The following ALK variants were observed in gnomAD, a reference collection of about 807,000 sequenced individuals.
ALK encodes ALK tyrosine kinase receptor.
Under a neutral mutation model 163.1 loss-of-function variants are expected in ALK, and 74 were observed. The ratio of observed to expected loss-of-function variants is 0.45; its 90% CI spans 0.38 to 0.55. ALK has a LOEUF of 0.55. Ranked by LOEUF, ALK falls within the 20% of genes least tolerant of loss-of-function variation. The pLI is 0.00. For synonymous variants in ALK, 960 were observed against 843.2 expected (o/e 1.14, Z -2.40); for missense variants, 2,063 against 2,105.3 (o/e 0.98, Z 0.39).
intron 3 of ALK, among the ~76,000 whole-genome samples, chr2:29,599,072 G>C (rs1190111617): frequency 6.6e-6 from 1 of 151,986 alleles, no homozygotes; most frequent in African/African-American, 2.4e-5. Flanking sequence ...AAATGATATA[G>C]CTGTGTCATC....
chr2:29,554,150 C>T (rs1251260252), intron 3 of ALK, among the ~76,000 whole-genome samples: 2 of 151,980 alleles, frequency 1.3e-5, no homozygotes, highest in Non-Finnish European at 2.9e-5. Context: ...TAATATGTGA[C>T]AAAAATAGTC....
intron 3 of ALK, among the ~76,000 whole-genome samples, chr2:29,618,116 G>T (rs1304166495): frequency 6.6e-6 from 1 of 152,172 alleles, no homozygotes; most frequent in Non-Finnish European, 1.5e-5. Context: ...GCTGCTCTTA[G>T]GTGCTGACCA....
At position 29,559,548 on chromosome 2, in the gene ALK, A is replaced by G. The variant is rs541384554; in HGVS notation, c.953-27432T>C. On this transcript the variant is annotated intron_variant, in intron 3 of 28. Coordinates refer to ENST00000389048, the MANE Select transcript of ALK (RefSeq NM_004304.5). ...ACTCTTAATGAGGTTCTATATCTTC[A>G]TTTTGGGGGGTATATTTCTGTTAAT... is the stretch of plus-strand genomic sequence containing the variant. Among the ~76,000 whole-genome samples the G allele has an allele frequency of 1.4e-3, 214 of 152,224 alleles. 1 individual carries two copies. The highest frequency in any genetic ancestry group is 5.1e-3 in the African/African-American group (211 of 41,538).
chr2:29,710,341 A>G (rs1679039208), intron 2 of ALK, among the ~76,000 whole-genome samples: 1 of 152,090 alleles, frequency 6.6e-6, no homozygotes, highest in South Asian at 2.1e-4. Flanking sequence ...ACAGACTAAC[A>G]CAGGTGACTA....
rs185492134 is a variant in ALK at position 29,215,469 on chromosome 2, C to A, written c.3646-1388G>T. 1.1e-3 allele frequency among the ~76,000 whole-genome samples: 170 copies of A among 152,248 alleles called. 1 individual carries two copies. The highest frequency in any genetic ancestry group is 1.8e-3 in the Non-Finnish European group (123 of 68,002). Reference sequence around the variant, plus strand: ...TGCCTTACATGCCCCAGAGCACATACATGATCTGCTGTGTGGTAGGTAGGG... The same window carrying A: ...TGCCTTACATGCCCCAGAGCACATAAATGATCTGCTGTGTGGTAGGTAGGG... On this transcript the variant is annotated intron_variant, in intron 23 of 28. Transcript: ENST00000389048.
At chr2:29,234,093 T>C (rs1217685758) in intron 13 of ALK, among the ~76,000 whole-genome samples, 1 of 150,920 alleles carries the variant, frequency 6.6e-6, no homozygotes, top group African/African-American at 2.4e-5. Flanking sequence ...AGTGGGTGAG[T>C]GGGGTGCGTG....
chr2:29,804,633 G>A (rs1356638375), intron 1 of ALK, among the ~76,000 whole-genome samples: 4 of 152,162 alleles, frequency 2.6e-5, no homozygotes, highest in Non-Finnish European at 5.9e-5. Context: ...TGTCTGCGTT[G>A]GGTTTAAGGT....
intron 1 of ALK, among the ~76,000 whole-genome samples, chr2:29,852,140 G>A (rs980214792): frequency 1.2e-4 from 18 of 152,188 alleles, no homozygotes; most frequent in Non-Finnish European, 2.2e-4. Flanking sequence ...CCTATGTAGC[G>A]TTTATCCAAT....
chr2:29,210,291 C>T (rs944251683), intron 24 of ALK, among the ~76,000 whole-genome samples: 1 of 152,132 alleles, frequency 6.6e-6, no homozygotes, highest in Non-Finnish European at 1.5e-5. Flanking sequence ...AACATAGGGC[C>T]ATAAGGAATG....
At chr2:29,432,010 G>A (rs553592362) in intron 4 of ALK, among the ~76,000 whole-genome samples, 39 of 152,124 alleles carry the variant, frequency 2.6e-4, no homozygotes, top group Admixed American at 9.8e-4. Flanking sequence ...TAGGGCTTGA[G>A]GGAGTGTATC....
chr2:29,280,558 T>TA (rs1414816413), intron 9 of ALK, among the ~76,000 whole-genome samples: 2 of 144,088 alleles, frequency 1.4e-5, no homozygotes, highest in Admixed American at 1.4e-4. Flanking sequence ...GAGGTTGTGG[T>TA]ATATACAGAT....
At chr2:29,772,712 G>C (rs906310730) in intron 1 of ALK, among the ~76,000 whole-genome samples, 2 of 152,192 alleles carry the variant, frequency 1.3e-5, no homozygotes, top group Admixed American at 6.5e-5. Flanking sequence ...GAGGACTACT[G>C]TTTTTCACGA....
chr2:29,771,995 A>C (rs1437388866), intron 1 of ALK, among the ~76,000 whole-genome samples: 2 of 152,234 alleles, frequency 1.3e-5, no homozygotes, highest in Admixed American at 1.3e-4. Flanking sequence ...CCATTTGGAC[A>C]CTAAAAGACA....
At chr2:29,315,682 T>A (rs1666813635) in intron 8 of ALK, among the ~76,000 whole-genome samples, 1 of 152,202 alleles carries the variant, frequency 6.6e-6, no homozygotes, top group African/African-American at 2.4e-5. Flanking sequence ...TCCAGGTGAA[T>A]GTGACTGGTG....
intron 3 of ALK, among the ~76,000 whole-genome samples, chr2:29,624,369 T>C (rs552491995): frequency 2.0e-5 from 3 of 152,334 alleles, no homozygotes; most frequent in African/African-American, 7.2e-5. Flanking sequence ...AGAGTATTTC[T>C]GTTACAAAGG....
chr2:29,883,213 T>C (rs969109379), intron 1 of ALK, among the ~76,000 whole-genome samples: 2 of 152,272 alleles, frequency 1.3e-5, no homozygotes, highest in Admixed American at 6.5e-5. Flanking sequence ...AATCCCTTAC[T>C]TCCCTGTTAG....
chr2:29,846,833 T>C (rs540887041), intron 1 of ALK, among the ~76,000 whole-genome samples: 2 of 152,316 alleles, frequency 1.3e-5, no homozygotes, highest in South Asian at 4.1e-4. Flanking sequence ...TCACCAGAGA[T>C]TCTATGAGAT....
chr2:29,510,301 A>T (rs114064388), intron 4 of ALK, among the ~76,000 whole-genome samples: 2 of 152,190 alleles, frequency 1.3e-5, no homozygotes, highest in Admixed American at 1.3e-4. Flanking sequence ...CCCTGATGGC[A>T]GGTGTTTGCT....
rs6755127 is a variant in ALK, at chr2:29,383,436, A to C, written c.1282+296T>G. ...GGTTCAAGCAATTCTCCTGCCTCAG[A>C]CTCCCAAGTAGTTGGGATTACAGAC... On this transcript the variant is annotated intron_variant, in intron 5 of 28. Transcript: ENST00000389048. Among the ~76,000 whole-genome samples, 15,498 of 151,732 alleles carry C rather than the reference A, an allele frequency of 0.1. 844 individuals carry two copies. The highest frequency in any genetic ancestry group is 0.13 in the African/African-American group (5,213 of 41,322).
Sources: gnomAD v4.1 joint callset for allele counts (sites outside exome capture counted in the v4.1 genomes callset) on GRCh38, gnomAD v4.1.1 for gene constraint, MANE v1.5 for transcripts, NCBI Gene and HGNC (gene_info 2026-07-23, HGNC 2026-07-21) for gene names.